ANK3: variants seen among roughly 807,000 people sequenced by gnomAD.
ANK3 encodes the protein ankyrin 3.
ANK3 carries 57 observed loss-of-function variants against 370.9 expected under a neutral mutation model. That is an observed-to-expected ratio of 0.15 (90% confidence interval 0.12 to 0.19). The LOEUF (loss-of-function observed/expected upper bound fraction) is 0.19, where lower values mean the gene tolerates loss of function less well. ANK3 is among the 10% of genes least tolerant of loss of function. The pLI is 1.00. For synonymous variants in ANK3, 1,929 were observed against 1,946.3 expected (o/e 0.99, Z 0.23); for missense variants, 4,439 against 5,302.1 (o/e 0.84, Z 5.06).
intron 1 of ANK3, among the ~76,000 whole-genome samples, chr10:60,654,223 C>T (rs1167525833): frequency 6.6e-6 from 1 of 152,114 alleles, no homozygotes; most frequent in Non-Finnish European, 1.5e-5. Context: ...TTTATACATT[C>T]CAGGGATTTT....
chr10:60,189,517 G>T (rs1239125656), intron 16 of ANK3, among the ~76,000 whole-genome samples: 1 of 152,170 alleles, frequency 6.6e-6, no homozygotes, highest in Admixed American at 6.5e-5. Flanking sequence ...AGTGACTCAG[G>T]TATTATTTTA....
intron 2 of ANK3, among the ~76,000 whole-genome samples, chr10:60,488,546 C>G (rs1567085044): frequency 6.6e-6 from 1 of 152,086 alleles, no homozygotes; most frequent in Non-Finnish European, 1.5e-5. Context: ...AACCCCATCC[C>G]CACTAGTAAT....
At chr10:60,146,094 G>A in intron 23 of ANK3, 1 of 1,517,668 alleles carries the variant, frequency 6.6e-7, no homozygotes, top group Non-Finnish European at 8.8e-7. Flanking sequence ...AGTCATATAA[G>A]CTCTATGTTC....
chr10:60,602,484 T>C (rs1260166408), intron 2 of ANK3, among the ~76,000 whole-genome samples: 21 of 152,138 alleles, frequency 1.4e-4, no homozygotes, highest in Non-Finnish European at 1.8e-4. Flanking sequence ...ATTGGAATTA[T>C]CCCCAAGGAT....
chr10:60,631,522 C>A (rs2078483770), intron 1 of ANK3, among the ~76,000 whole-genome samples: 1 of 151,924 alleles, frequency 6.6e-6, no homozygotes, highest in Non-Finnish European at 1.5e-5. Context: ...CAGAGTGATA[C>A]TCCATCTCAA....
In ANK3 at chr10:60,396,456, A is replaced by G. The variant is rs568001159; in HGVS notation, c.97-116817T>C. Among the ~76,000 whole-genome samples, 46 of 152,368 alleles carry G rather than the reference A, an allele frequency of 3.0e-4. No individual in the cohort carries two copies. The South Asian group carries it at 9.3e-3, about 31-fold the overall frequency. ...TGTGTTCAATTCAAATATACTTATT[A>G]CTGAAGATAATAGATATGCTTTGGT... On this transcript the variant is annotated intron_variant, in intron 2 of 43. Coordinates refer to the ANK3 transcript ENST00000373827.
At chr10:60,609,277 C>A (rs2078170278) in intron 2 of ANK3, among the ~76,000 whole-genome samples, 1 of 152,094 alleles carries the variant, frequency 6.6e-6, no homozygotes, top group Non-Finnish European at 1.5e-5. Flanking sequence ...AACTAGCCAG[C>A]CAGACTCCAA....
In ANK3 at chr10:60,168,912, A is replaced by G. The variant is rs569922180; in HGVS notation, c.2479-2016T>C. Among the ~76,000 whole-genome samples, 8 of 152,352 alleles carry G rather than the reference A, an allele frequency of 5.3e-5. No individual in the cohort carries two copies. The South Asian group carries it at 6.2e-4, about 12-fold the overall frequency. ...ATGACTGCACAGTATTCCATGGTGT[A>G]TATGTACCACATTTTCTTTATCCAG... On this transcript the variant is annotated intron_variant, in intron 21 of 43. Coordinates refer to ENST00000280772, the MANE Select transcript of ANK3 (RefSeq NM_020987.5).
At chr10:60,376,824 C>T (rs1022303306) in intron 1 of ANK3, among the ~76,000 whole-genome samples, 12 of 152,106 alleles carry the variant, frequency 7.9e-5, no homozygotes, top group African/African-American at 1.7e-4. Context: ...TGAAGACAAA[C>T]GAATGGGTGA....
intron 7 of ANK3, among the ~76,000 whole-genome samples, chr10:60,242,211 T>C (rs2097474812): frequency 6.6e-6 from 1 of 152,184 alleles, no homozygotes. Flanking sequence ...AGAAAAGATT[T>C]TGCCTTCTAC....
At chr10:60,353,632 C>G (rs949463537) in intron 1 of ANK3, among the ~76,000 whole-genome samples, 3 of 152,186 alleles carry the variant, frequency 2.0e-5, no homozygotes, top group African/African-American at 4.8e-5. Flanking sequence ...ACAGCCGAGG[C>G]AGAAGATAAC....
chr10:60,722,726 T>A (rs2132026548), intron 1 of ANK3, among the ~76,000 whole-genome samples: 1 of 152,260 alleles, frequency 6.6e-6, no homozygotes, highest in African/African-American at 2.4e-5. Context: ...CCTAACACCA[T>A]CCCCTTGGTG....
At chr10:60,251,561 T>C (rs72820472) in intron 7 of ANK3, among the ~76,000 whole-genome samples, 2,954 of 152,272 alleles carry the variant, frequency 0.019, 37 homozygotes, top group South Asian at 0.036. Flanking sequence ...CTACAAATTT[T>C]CAAATCTTTT....
chr10:60,621,087 C>T (rs1439599457), intron 1 of ANK3, among the ~76,000 whole-genome samples: 1 of 152,182 alleles, frequency 6.6e-6, no homozygotes, highest in Non-Finnish European at 1.5e-5. Context: ...CTGCAATCTG[C>T]TCTACTGAAA....
In ANK3 at chr10:60,572,795, G is replaced by A. The variant is rs548458027; in HGVS notation, c.96+42391C>T. The A allele has an allele frequency of 4.9e-6, 6 of 1,231,892 alleles. No homozygotes were observed. The African/African-American group carries it at 9.3e-5, about 19-fold the overall frequency. The allele number at this position is 1,231,892 out of a possible 1,614,324, so 76.3% of individuals were successfully genotyped here. On this transcript the variant is annotated intron_variant, in intron 2 of 43. Transcript: ENST00000373827. ...TCTTCTAAAGAAAATCAATATTTTA[G>A]CCTTTCATTTTTAACTAATCGTTAC...
chr10:60,331,476 T>TA (rs1164744421), intron 1 of ANK3, among the ~76,000 whole-genome samples: 1 of 151,814 alleles, frequency 6.6e-6, no homozygotes, highest in Non-Finnish European at 1.5e-5. Context: ...CGACTTACTT[T>TA]AAAAAATTTC....
At chr10:60,614,191 T>C (rs2078238322) in intron 2 of ANK3, among the ~76,000 whole-genome samples, 2 of 152,204 alleles carry the variant, frequency 1.3e-5, no homozygotes, top group Admixed American at 6.5e-5. Context: ...GTTAGTTTAA[T>C]CATATGAAAT....
At chr10:60,575,001 GATTAA>G (rs2077665793) in intron 2 of ANK3, among the ~76,000 whole-genome samples, 1 of 152,098 alleles carries the variant, frequency 6.6e-6, no homozygotes, top group Non-Finnish European at 1.5e-5. Context: ...TAAAAATTGA[GATTAA>G]ATTTAGTTCA....
intron 2 of ANK3, among the ~76,000 whole-genome samples, chr10:60,396,136 A>G (rs563413320): frequency 7.2e-4 from 110 of 152,350 alleles, no homozygotes; most frequent in African/African-American, 2.6e-3. Context: ...CAATTCTTGA[A>G]TATCGAGCCA....
Sources: allele counts gnomAD v4.1 joint callset (sites outside exome capture counted in the v4.1 genomes callset), GRCh38; gene constraint gnomAD v4.1.1; transcripts MANE v1.5; gene names NCBI Gene and HGNC (gene_info 2026-07-23, HGNC 2026-07-21).